The following TRIM36 variants were observed in gnomAD, a reference collection of about 807,000 sequenced individuals.
TRIM36 encodes tripartite motif containing 36.
In TRIM36, 42 loss-of-function variants were observed where a neutral mutation model predicts 72.4. The observed-to-expected ratio is 0.58, with a 90% confidence interval of 0.45 to 0.75. The LOEUF is 0.75. Ranked by LOEUF, TRIM36 falls within the 30% of genes least tolerant of loss-of-function variation. The pLI, the probability that TRIM36 is intolerant of heterozygous loss-of-function variation, is 0.00. For missense variants in TRIM36, 913 were observed against 857.1 expected, an observed-to-expected ratio of 1.07 and a Z score of -0.81; for synonymous variants, 315 against 282.8, an observed-to-expected ratio of 1.11 and a Z score of -1.14.
intron 1 of TRIM36, among the ~76,000 whole-genome samples, chr5:115,176,093 G>C (rs1040331297): frequency 6.6e-6 from 1 of 151,968 alleles, no homozygotes; most frequent in Non-Finnish European, 1.5e-5. Context: ...ACCACTGCAC[G>C]CCAGCCTGGG....
At chr5:115,145,365 A>G (rs1753529249) in intron 3 of TRIM36, among the ~76,000 whole-genome samples, 5 of 152,210 alleles carry the variant, frequency 3.3e-5, no homozygotes, top group Admixed American at 3.3e-4. Flanking sequence ...AAAGCTATCA[A>G]ATAACATAAA....
chr5:115,161,450 C>A (rs1469547382), intron 2 of TRIM36, among the ~76,000 whole-genome samples: 1 of 152,186 alleles, frequency 6.6e-6, no homozygotes, highest in Non-Finnish European at 1.5e-5. Flanking sequence ...TAAACAAAGT[C>A]TTCAGATACT....
At position 115,169,741 on chromosome 5, in the gene TRIM36, A is replaced by C; in HGVS notation, c.-107T>G. 1 of 1,440,632 alleles carries C rather than the reference A, an allele frequency of 6.9e-7. No homozygotes were observed. Among genetic ancestry groups the C allele is most frequent in the Non-Finnish European group, 9.2e-7 (1 of 1,088,520 alleles). The allele number at this position is 1,440,632 out of a possible 1,614,324, so 89.2% of individuals were successfully genotyped here. Reference sequence around the variant, plus strand: ...GCGGCGGCCGTGGAGCCTCGGTCCGAAGCTGGAAGATGAGCTGGTCAGCTG... The same window carrying C: ...GCGGCGGCCGTGGAGCCTCGGTCCGCAGCTGGAAGATGAGCTGGTCAGCTG... On this transcript the variant is annotated 5_prime_UTR_variant, in exon 1 of 10. Coordinates refer to ENST00000513154, the MANE Select transcript of TRIM36 (RefSeq NM_001300759.2).
At chr5:115,136,218 A>T (rs1580648491) in intron 7 of TRIM36, among the ~76,000 whole-genome samples, 1 of 152,086 alleles carries the variant, frequency 6.6e-6, no homozygotes, top group African/African-American at 2.4e-5. Flanking sequence ...GAGGAAATTA[A>T]ATTAAAATCA....
In TRIM36 at chr5:115,133,977, T is replaced by C. The variant is rs1394598978; in HGVS notation, c.1381A>G (p.Lys461Glu). Reference protein sequence around the residue: ...WNEIEVCGTSKIIQDLENSST... With the variant: ...WNEIEVCGTSEIIQDLENSST... ...CTGTTTTCCAAGTCTTGAATTATTT[T>C]ACTTGTTCCACACACTTCTATCTCA... Residue 461 changes from lysine (K) to glutamate (E), a missense_variant, in exon 8 of 10, where the codon AAA becomes GAA. By Grantham distance (56) the Lys-to-Glu change is moderately conservative. Coordinates refer to ENST00000513154, the MANE Select transcript of TRIM36 (RefSeq NM_001300759.2). 6 of 1,613,996 alleles carry C rather than the reference T, an allele frequency of 3.7e-6. No homozygotes were observed. The highest frequency in any genetic ancestry group is 2.2e-5 in the East Asian group (1 of 44,822).
intron 4 of TRIM36, among the ~76,000 whole-genome samples, chr5:115,143,222 C>CAAAAAAAAAAAAA (rs59083853): frequency 5.2e-5 from 3 of 57,486 alleles, no homozygotes; most frequent in Middle Eastern, 0.019. Context: ...ACCAGCCAGA[C>CAAAAAAAAAAAAA]AAAAAAAAAA....
chr5:115,179,648 C>A (rs991478215), intron 1 of TRIM36, among the ~76,000 whole-genome samples: 1 of 152,244 alleles, frequency 6.6e-6, no homozygotes, highest in South Asian at 2.1e-4. Flanking sequence ...GGGCAGCGCC[C>A]CCTTGGCCAA....
At chr5:115,147,036 A>T in intron 3 of TRIM36, 33 bp downstream of exon 3, 1 of 1,542,772 alleles carries the variant, frequency 6.5e-7, no homozygotes, top group African/African-American at 1.4e-5. Context: ...TTAAGTTAAA[A>T]TAACATTCTA....
intron 5 of TRIM36, among the ~76,000 whole-genome samples, chr5:115,140,339 T>C (rs1481310464): frequency 1.3e-5 from 2 of 152,224 alleles, no homozygotes; most frequent in African/African-American, 2.4e-5. Context: ...CAGTGAAGAA[T>C]ATCTGGACTT....
chr5:115,130,427 A>T (rs887522207), intron 9 of TRIM36, among the ~76,000 whole-genome samples, 165 bp downstream of exon 9: 1 of 152,208 alleles, frequency 6.6e-6, no homozygotes, highest in Non-Finnish European at 1.5e-5. Context: ...TCCTTATTCA[A>T]TGTGTGATTA....
At chr5:115,127,319 G>A (rs991306423) in intron 9 of TRIM36, among the ~76,000 whole-genome samples, 1 of 152,234 alleles carries the variant, frequency 6.6e-6, no homozygotes, top group Admixed American at 6.5e-5. Flanking sequence ...CCAGCACTCT[G>A]GGAGGCCAAG....
chr5:115,161,381 C>T (rs982804282), intron 2 of TRIM36, among the ~76,000 whole-genome samples: 4 of 152,080 alleles, frequency 2.6e-5, no homozygotes, highest in Non-Finnish European at 5.9e-5. Context: ...CCCAACCTAC[C>T]ACCCACAGCA....
chr5:115,170,135 A>G (rs1430272936), upstream of TRIM36, among the ~76,000 whole-genome samples: 1 of 152,108 alleles, frequency 6.6e-6, no homozygotes, highest in African/African-American at 2.4e-5. Context: ...CCCCCTACGC[A>G]TCAGCCCCTC....
At chr5:115,160,172 A>G (rs538798086) in intron 2 of TRIM36, among the ~76,000 whole-genome samples, 1 of 152,300 alleles carries the variant, frequency 6.6e-6, no homozygotes, top group Non-Finnish European at 1.5e-5. Context: ...TGTGTTATGC[A>G]CACAAATCTT....
At chr5:115,141,507 A>G (rs766900286) in intron 4 of TRIM36, 133 bp from the exon 5 acceptor site, 1 of 508,826 alleles carries the variant, frequency 2.0e-6, no homozygotes, top group Non-Finnish European at 3.4e-6. Context: ...CAACTATGGC[A>G]ATTATCATTA....
chr5:115,171,104 T>C, upstream of TRIM36: 1 of 1,614,278 alleles, frequency 6.2e-7, no homozygotes, highest in Non-Finnish European at 8.5e-7. Context: ...ACATCTCGTT[T>C]AGGTTTTAAA....
At chr5:115,141,772 A>G (rs1270056865) in intron 4 of TRIM36, among the ~76,000 whole-genome samples, 4 of 152,152 alleles carry the variant, frequency 2.6e-5, no homozygotes, top group African/African-American at 9.6e-5. Flanking sequence ...ACAAACACCC[A>G]CGTGCACACA....
intron 3 of TRIM36, among the ~76,000 whole-genome samples, chr5:115,145,379 T>G (rs1423731922): frequency 6.6e-6 from 1 of 152,210 alleles, no homozygotes; most frequent in Admixed American, 6.5e-5. Flanking sequence ...ACATAAAATT[T>G]TATGTAAAAT....
chr5:115,130,878 G>A lies in TRIM36; in HGVS notation c.1510C>T (p.Leu504Phe). 1.2e-6 allele frequency: 2 copies of A among 1,605,614 alleles called. No individual in the cohort carries two copies. Among genetic ancestry groups the A allele is most frequent in the South Asian group, 2.2e-5 (2 of 90,346 alleles). ...HTPPAPVFSF[L>F]FDEKCGYNNE... The stretch of plus-strand genomic sequence containing the variant: ...TTATAGCCACATTTTTCATCAAAGA[G>A]GAAGCTGAAAACTAAATGGAGCTTA... The change falls in exon 9 of 10, where the codon CTC becomes TTC. Residue 504 changes from leucine to phenylalanine, a missense_variant. Leu to Phe is a conservative substitution (Grantham distance 22). Coordinates refer to ENST00000513154, the MANE Select transcript of TRIM36 (RefSeq NM_001300759.2).
Sources: gnomAD v4.1 joint callset for allele counts (sites outside exome capture counted in the v4.1 genomes callset) on GRCh38, gnomAD v4.1.1 for gene constraint, MANE v1.5 for transcripts, NCBI Gene and HGNC (gene_info 2026-07-23, HGNC 2026-07-21) for gene names.